Variants in ZNF726 observed in about 807,000 individuals in gnomAD.
ZNF726 encodes the protein zinc finger protein 726.
In ZNF726, 15 loss-of-function variants were observed where a neutral mutation model predicts 11.6. The observed-to-expected ratio is 1.29, with a 90% CI of 0.86 to 1.99. ZNF726 has a LOEUF of 1.99. ZNF726 is among the 30% of genes most tolerant of loss of function. The pLI, the probability that ZNF726 is intolerant of heterozygous loss-of-function variation, is 0.00. For missense variants in ZNF726, 890 were observed against 725.6 expected (o/e 1.23, Z -2.60); for synonymous variants, 295 against 243.6 (o/e 1.21, Z -1.96).
At position 23,933,036 on chromosome 19, in the gene ZNF726, A is replaced by G. The variant is rs542528796; in HGVS notation, c.920A>G (p.His307Arg). Residue 307 changes from histidine (H) to arginine (R), a missense_variant, in exon 4 of 4, where the codon CAC becomes CGC. By Grantham distance (29) the His-to-Arg change is conservative (BLOSUM62 0). Transcript: ENST00000594466. ...GCACTAACCATACATAAGAGGATGC[A>G]CATTGGAGAGAAACCCTACAAATGT... ...PSALTIHKRMHIGEKPYKCEE... is the reference protein window; with the variant it reads ...PSALTIHKRMRIGEKPYKCEE... The G allele has an allele frequency of 1.1e-5, 18 of 1,613,556 alleles. No individual in the cohort carries two copies. The East Asian group carries it at 3.3e-4, about 30-fold the overall frequency.
chr19:23,942,683 G>A (rs1968357639), intron 3 of ZNF726, among the ~76,000 whole-genome samples: 2 of 152,170 alleles, frequency 1.3e-5, no homozygotes, highest in South Asian at 2.1e-4. Flanking sequence ...ATGTTTCCCT[G>A]TTGGATCAGG....
intron 1 of ZNF726, chr19:23,919,155 T>G (rs1386613850): frequency 1.7e-6 from 1 of 582,618 alleles, no homozygotes. Flanking sequence ...AAGTATCATA[T>G]ATACACTGAT....
intron 1 of ZNF726, 123 bp downstream of exon 1, chr19:23,915,120 GC>G: frequency 7.0e-7 from 1 of 1,435,388 alleles, no homozygotes; most frequent in Non-Finnish European, 9.7e-7. Flanking sequence ...CCGAGTTGTT[GC>G]CCAGCTCGGC....
At chr19:23,928,453 T>C (rs1337018459) in intron 3 of ZNF726, 1 of 152,204 alleles carries the variant, frequency 6.6e-6, no homozygotes, top group Non-Finnish European at 1.5e-5. Flanking sequence ...TGTCAATATT[T>C]ACTTTATATA....
intron 3 of ZNF726, among the ~76,000 whole-genome samples, chr19:23,931,565 A>G (rs1292858163): frequency 6.6e-6 from 1 of 152,106 alleles, no homozygotes; most frequent in African/African-American, 2.4e-5. Flanking sequence ...TATTTTGTAT[A>G]TATTATAAGC....
At chr19:23,924,333 C>T (rs921694893) in intron 3 of ZNF726, among the ~76,000 whole-genome samples, 5 of 152,018 alleles carry the variant, frequency 3.3e-5, no homozygotes, top group South Asian at 2.1e-4. Flanking sequence ...GGATTACAGG[C>T]GTGAGCCGCC....
downstream of ZNF726, chr19:23,935,315 AGTGTTTTTC>A (rs1968210103): frequency 3.8e-6 from 2 of 519,878 alleles, no homozygotes; most frequent in Admixed American, 2.0e-5. Flanking sequence ...AATGTGGCAA[AGTGTTTTTC>A]TGGTCCTCAG....
chr19:23,938,117 A>T, downstream of ZNF726, among the ~76,000 whole-genome samples: 1 of 152,180 alleles, frequency 6.6e-6, no homozygotes, highest in South Asian at 2.1e-4. Context: ...ATCTCTAGTA[A>T]TCTTTTTGTC....
At chr19:23,936,966 T>C (rs1968244038), downstream of ZNF726, among the ~76,000 whole-genome samples, 1 of 151,958 alleles carries the variant, frequency 6.6e-6, no homozygotes. Flanking sequence ...CTCAATGAGC[T>C]GTTGGGTACA....
At chr19:23,919,670 T>G in intron 2 of ZNF726, 171 bp downstream of exon 2, 1 of 818,084 alleles carries the variant, frequency 1.2e-6, no homozygotes. Flanking sequence ...ACCTGAAATT[T>G]CCACATTCCT....
downstream of ZNF726, among the ~76,000 whole-genome samples, chr19:23,938,008 T>A (rs969621140): frequency 6.6e-6 from 1 of 152,226 alleles, no homozygotes; most frequent in African/African-American, 2.4e-5. Context: ...CATGAATTCA[T>A]TGAAGCATTA....
At chr19:23,918,411 G>C (rs998703708) in intron 1 of ZNF726, among the ~76,000 whole-genome samples, 1 of 152,112 alleles carries the variant, frequency 6.6e-6, no homozygotes, top group African/African-American at 2.4e-5. Context: ...TTATTAGGGT[G>C]CTAAAAAAAG....
intron 3 of ZNF726, among the ~76,000 whole-genome samples, chr19:23,921,819 G>A (rs1440152901): frequency 6.6e-6 from 1 of 152,078 alleles, no homozygotes; most frequent in Non-Finnish European, 1.5e-5. Context: ...AAACAGTGAC[G>A]TTTTACTTAT....
At chr19:23,918,822 C>T (rs775891145) in intron 1 of ZNF726, among the ~76,000 whole-genome samples, 3 of 151,416 alleles carry the variant, frequency 2.0e-5, no homozygotes, top group East Asian at 1.9e-4. Context: ...AAAAAAAACA[C>T]GACTCTTCCA....
Position 23,932,402 on chromosome 19 carries a change from C to G in ZNF726, c.286C>G (p.Gln96Glu), listed in dbSNP as rs779836409. ...AGAGCAGGGCGTGGAAGATTCTTTT[C>G]AAAAAGTAATACTAAGAAGATTTGA... ...WPEQGVEDSF[Q>E]KVILRRFEKC... The change falls in exon 4 of 4, where the codon CAA becomes GAA. Residue 96 changes from glutamine to glutamate, a missense_variant. By Grantham distance (29) the Gln-to-Glu change is conservative. Transcript: ENST00000594466. The G allele has an allele frequency of 8.1e-5, 123 of 1,527,124 alleles. 1 individual carries two copies. Among genetic ancestry groups the G allele is most frequent in the Non-Finnish European group, 5.9e-5 (68 of 1,143,594 alleles). The allele number at this position is 1,527,124 out of a possible 1,614,324, so 94.6% of individuals were successfully genotyped here.
intron 1 of ZNF726, among the ~76,000 whole-genome samples, chr19:23,915,982 T>G (rs903568986): frequency 1.3e-5 from 2 of 152,242 alleles, no homozygotes; most frequent in Non-Finnish European, 2.9e-5. Context: ...TGAATTTTGT[T>G]TCTGCCAATG....
At chr19:23,940,097 A>G (rs572433621) in intron 3 of ZNF726, among the ~76,000 whole-genome samples, 2 of 152,158 alleles carry the variant, frequency 1.3e-5, no homozygotes, top group African/African-American at 4.8e-5. Flanking sequence ...TGCCTAGCCA[A>G]TGCCTAGAAG....
intron 3 of ZNF726, among the ~76,000 whole-genome samples, chr19:23,930,799 GTAT>G (rs1305427028): frequency 6.6e-6 from 1 of 151,612 alleles, no homozygotes; most frequent in Non-Finnish European, 1.5e-5. Flanking sequence ...TCTCTTTTAG[GTAT>G]TATTGTTTAT....
intron 3 of ZNF726, among the ~76,000 whole-genome samples, chr19:23,925,237 A>G (rs186496976): frequency 1.3e-5 from 2 of 152,180 alleles, no homozygotes; most frequent in Admixed American, 1.3e-4. Flanking sequence ...TATGTTATGT[A>G]TTTTAGATAT....
Sources: allele counts gnomAD v4.1 joint callset (sites outside exome capture counted in the v4.1 genomes callset), GRCh38; gene constraint gnomAD v4.1.1; transcripts MANE v1.5; gene names NCBI Gene and HGNC (gene_info 2026-07-23, HGNC 2026-07-21).